The following GLIS3 variants were observed in gnomAD, a reference collection of about 807,000 sequenced individuals.
The protein encoded by GLIS3 is GLIS family zinc finger 3.
A neutral mutation model predicts 78.6 loss-of-function variants in GLIS3; 53 were observed. The observed-to-expected ratio is 0.67, with a 90% CI of 0.54 to 0.85. The LOEUF (loss-of-function observed/expected upper bound fraction) is 0.85, where lower values mean the gene tolerates loss of function less well. Ranked by LOEUF, GLIS3 falls within the 40% of genes least tolerant of loss-of-function variation. The probability of loss-of-function intolerance (pLI) is 0.00; values close to 1 mark genes in which losing one functional copy is unlikely to be tolerated. For synonymous variants in GLIS3, 684 were observed against 509.9 expected (o/e 1.34, Z -4.60); for missense variants, 1,703 against 1,231.1 (o/e 1.38, Z -5.74).
intron 2 of GLIS3, among the ~76,000 whole-genome samples, chr9:4,185,749 A>G (rs935066465): frequency 2.0e-5 from 3 of 152,180 alleles, no homozygotes; most frequent in Non-Finnish European, 4.4e-5. Context: ...AGCACAAGGC[A>G]TCAGTTAGGG....
chr9:3,862,143 G>A (rs1239370664), intron 8 of GLIS3, among the ~76,000 whole-genome samples: 1 of 151,936 alleles, frequency 6.6e-6, no homozygotes, highest in East Asian at 1.9e-4. Flanking sequence ...CATCTTATTT[G>A]GATGAAAAAA....
chr9:3,916,406 C>T (rs967387821), intron 6 of GLIS3, among the ~76,000 whole-genome samples: 4 of 152,180 alleles, frequency 2.6e-5, no homozygotes, highest in African/African-American at 7.2e-5. Flanking sequence ...AACAGCAAAC[C>T]GGGGTGTCCC....
chr9:3,874,640 C>T (rs565372518), intron 8 of GLIS3, among the ~76,000 whole-genome samples: 4 of 152,072 alleles, frequency 2.6e-5, no homozygotes, highest in Non-Finnish European at 5.9e-5. Context: ...ACACTCTCTC[C>T]AAGTAGAGAG....
At chr9:4,279,336 CACACACACACACACACACACACACACAT>C in intron 2 of GLIS3, among the ~76,000 whole-genome samples, 1 of 87,722 alleles carries the variant, frequency 1.1e-5, no homozygotes, top group Non-Finnish European at 2.4e-5. Context: ...CACACACACA[CACACACACACACACACACACACACACAT>C]AATACATATT....
At chr9:4,281,787 A>C (rs1827577938) in intron 2 of GLIS3, among the ~76,000 whole-genome samples, 1 of 152,188 alleles carries the variant, frequency 6.6e-6, no homozygotes, top group African/African-American at 2.4e-5. Flanking sequence ...GATGTCACCA[A>C]AAGGAACATA....
chr9:4,080,883 G>A (rs1012097115), intron 4 of GLIS3, among the ~76,000 whole-genome samples: 4 of 152,120 alleles, frequency 2.6e-5, no homozygotes, highest in Non-Finnish European at 2.9e-5. Flanking sequence ...GGCGTACATC[G>A]TACAACCTTC....
intron 4 of GLIS3, among the ~76,000 whole-genome samples, chr9:4,070,185 A>G (rs2130627756): frequency 6.6e-6 from 1 of 152,252 alleles, no homozygotes; most frequent in South Asian, 2.1e-4. Flanking sequence ...GCTTTATAGA[A>G]TAGTATTTCC....
At chr9:4,439,731 G>A in the GLIS3 span, among the ~76,000 whole-genome samples, 1 of 152,090 alleles carries the variant, frequency 6.6e-6, no homozygotes, top group Non-Finnish European at 1.5e-5. Context: ...GGAGAGCAGT[G>A]GTGTAATTAG....
chr9:4,353,993 A>ATTTTTTTTTT, the GLIS3 span, among the ~76,000 whole-genome samples: 338 of 135,710 alleles, frequency 2.5e-3, 2 homozygotes, highest in Middle Eastern at 7.9e-3. Flanking sequence ...ACACCCGGCT[A>ATTTTTTTTTT]TTTTTTTTTT....
chr9:3,885,004 G>C (rs1256869819), intron 7 of GLIS3, among the ~76,000 whole-genome samples: 1 of 152,128 alleles, frequency 6.6e-6, no homozygotes, highest in Non-Finnish European at 1.5e-5. Context: ...GTGGGTTAGA[G>C]TGCAAAAAGG....
At chr9:4,071,846 A>C (rs965647590) in intron 4 of GLIS3, 4 of 152,222 alleles carry the variant, frequency 2.6e-5, no homozygotes, top group African/African-American at 9.6e-5. Context: ...TATCATTTTA[A>C]AAGTCACCCT....
At chr9:4,155,439 G>A (rs1834980670) in intron 2 of GLIS3, among the ~76,000 whole-genome samples, 1 of 152,166 alleles carries the variant, frequency 6.6e-6, no homozygotes, top group South Asian at 2.1e-4. Context: ...AGGCAGTTGT[G>A]CGGTGTGACT....
In GLIS3 at chr9:4,056,109, G is replaced by A. The variant is rs139072474; in HGVS notation, c.1710+61659C>T. ...GGCATCATCCAGCCCCCATTTGGCC[G>A]TGATTATATGCAGCCTAGATATGAT... On this transcript the variant is annotated intron_variant, in intron 4 of 10. Transcript: ENST00000381971. Among the ~76,000 whole-genome samples, 442 of 152,292 alleles carry A rather than the reference G, an allele frequency of 2.9e-3. 1 individual carries two copies. Among genetic ancestry groups the A allele is most frequent in the Middle Eastern group, 0.024 (7 of 294 alleles).
chr9:3,843,424 T>G (rs1034026781), intron 9 of GLIS3, among the ~76,000 whole-genome samples: 2 of 152,160 alleles, frequency 1.3e-5, no homozygotes, highest in Non-Finnish European at 2.9e-5. Flanking sequence ...GGGCTTGAAG[T>G]AAGAGTATGG....
At chr9:4,151,416 C>A (rs750175371) in intron 2 of GLIS3, among the ~76,000 whole-genome samples, 10 of 152,140 alleles carry the variant, frequency 6.6e-5, no homozygotes, top group Non-Finnish European at 1.0e-4. Flanking sequence ...ATTCATCCAC[C>A]AAATGTAAAT....
intron 4 of GLIS3, among the ~76,000 whole-genome samples, chr9:4,056,246 T>C (rs1212747641): frequency 6.6e-6 from 1 of 152,236 alleles, no homozygotes; most frequent in Non-Finnish European, 1.5e-5. Context: ...AGAGCCTACA[T>C]TTAAGGACCA....
At chr9:4,275,579 A>G (rs1284053340) in intron 2 of GLIS3, among the ~76,000 whole-genome samples, 1 of 150,402 alleles carries the variant, frequency 6.6e-6, no homozygotes, top group African/African-American at 2.5e-5. Flanking sequence ...GGGCAACACA[A>G]CAAGATCCCA....
chr9:4,135,328 T>C (rs192660536), intron 2 of GLIS3, among the ~76,000 whole-genome samples: 1 of 152,314 alleles, frequency 6.6e-6, no homozygotes, highest in Admixed American at 6.5e-5. Context: ...CCCCGACATC[T>C]ATCATTCCCT....
At chr9:4,164,475 G>C (rs1156601147) in intron 2 of GLIS3, among the ~76,000 whole-genome samples, 1 of 152,198 alleles carries the variant, frequency 6.6e-6, no homozygotes, top group Non-Finnish European at 1.5e-5. Flanking sequence ...CCACCCTCCA[G>C]AGAGTAGCAC....
Sources: allele counts gnomAD v4.1 joint callset (sites outside exome capture counted in the v4.1 genomes callset), GRCh38; gene constraint gnomAD v4.1.1; transcripts MANE v1.5; gene names NCBI Gene and HGNC (gene_info 2026-07-23, HGNC 2026-07-21).